The following MGAT4C variants were observed in gnomAD, a reference collection of about 807,000 sequenced individuals.
MGAT4C encodes MGAT4 family member C.
In MGAT4C, 19 loss-of-function variants were observed where a neutral mutation model predicts 40.1. The ratio of observed to expected loss-of-function variants is 0.47; its 90% CI spans 0.33 to 0.70. MGAT4C has a LOEUF of 0.70. Ranked by LOEUF, MGAT4C falls within the 30% of genes least tolerant of loss-of-function variation. The pLI, the probability that MGAT4C is intolerant of heterozygous loss-of-function variation, is 0.02. For synonymous variants in MGAT4C, 181 were observed against 187.1 expected, an observed-to-expected ratio of 0.97 and a Z score of 0.27; for missense variants, 491 against 563.2, an observed-to-expected ratio of 0.87 and a Z score of 1.30.
At chr12:86,660,124 A>G (rs556917807) in intron 2 of MGAT4C, among the ~76,000 whole-genome samples, 1 of 152,260 alleles carries the variant, frequency 6.6e-6, no homozygotes, top group African/African-American at 2.4e-5. Flanking sequence ...AAAAGCAGTA[A>G]GTTGATAACT....
Position 86,442,631 on chromosome 12 carries a change from G to A in MGAT4C, c.-228-7366C>T, listed in dbSNP as rs555211831. ...TTTCCCCATTTCTTGTTTTTCTCAG[G>A]TTTGTCAAAGATCAGATAGTTGTAG... is the stretch of plus-strand genomic sequence containing the variant. On this transcript the variant is annotated intron_variant, in intron 2 of 7. Transcript: ENST00000548651. Among the ~76,000 whole-genome samples, 138 of 151,950 alleles carry A rather than the reference G, an allele frequency of 9.1e-4. 3 individuals carry two copies. In the Middle Eastern group the frequency reaches 0.027, roughly 30 times the overall value.
chr12:86,575,175 A>T (rs10776985), intron 2 of MGAT4C, among the ~76,000 whole-genome samples: 127,052 of 151,620 alleles, frequency 0.84, 53,805 homozygotes, highest in East Asian at 0.96. Context: ...CTTCTTCAAA[A>T]TTATTTTTCT....
At chr12:86,238,123 C>G (rs1420488636) in intron 1 of MGAT4C, among the ~76,000 whole-genome samples, 1 of 151,116 alleles carries the variant, frequency 6.6e-6, no homozygotes, top group East Asian at 1.9e-4. Flanking sequence ...ATTAGGAAGT[C>G]AAAAAAAATG....
chr12:86,467,250 T>G (rs1027615658), intron 2 of MGAT4C, among the ~76,000 whole-genome samples: 2 of 152,126 alleles, frequency 1.3e-5, no homozygotes, highest in Admixed American at 1.3e-4. Context: ...AAATTATTAG[T>G]ATGTACATGT....
chr12:86,026,678 T>A (rs59007889), intron 2 of MGAT4C, among the ~76,000 whole-genome samples: 3,704 of 152,074 alleles, frequency 0.024, 157 homozygotes, highest in African/African-American at 0.084. Context: ...CTCCCCTTAG[T>A]CTTGTAATAT....
chr12:86,031,776 T>G (rs61931115), intron 2 of MGAT4C, among the ~76,000 whole-genome samples: 11,247 of 151,998 alleles, frequency 0.074, 553 homozygotes, highest in Middle Eastern at 0.24. Context: ...TGTTAACTTT[T>G]ATCTTAAGTT....
chr12:86,185,612 A>G (rs989884996), intron 1 of MGAT4C, among the ~76,000 whole-genome samples: 1 of 152,318 alleles, frequency 6.6e-6, no homozygotes, highest in Non-Finnish European at 1.5e-5. Flanking sequence ...GTCACTGATG[A>G]CCAAATATCA....
intron 4 of MGAT4C, among the ~76,000 whole-genome samples, chr12:86,303,219 T>C (rs1379490659): frequency 2.7e-5 from 4 of 150,624 alleles, no homozygotes; most frequent in Non-Finnish European, 5.9e-5. Context: ...CCTATTCTTT[T>C]AAGGTGAATT....
At chr12:86,410,491 C>G (rs532679444) in intron 3 of MGAT4C, among the ~76,000 whole-genome samples, 1 of 152,142 alleles carries the variant, frequency 6.6e-6, no homozygotes, top group Non-Finnish European at 1.5e-5. Flanking sequence ...TTCTGCCCGA[C>G]CACACAGGCG....
At chr12:86,238,315 T>C (rs1355878779) in intron 1 of MGAT4C, among the ~76,000 whole-genome samples, 1 of 152,048 alleles carries the variant, frequency 6.6e-6, no homozygotes, top group African/African-American at 2.4e-5. Context: ...AATAATTTAC[T>C]TGTCTTGCAT....
intron 1 of MGAT4C, among the ~76,000 whole-genome samples, chr12:86,758,084 C>T (rs1951336955): frequency 6.6e-6 from 1 of 152,136 alleles, no homozygotes; most frequent in Admixed American, 6.6e-5. Flanking sequence ...GGACACTTTA[C>T]ATTTTTCTGA....
intron 2 of MGAT4C, among the ~76,000 whole-genome samples, chr12:86,500,676 C>A (rs1317495605): frequency 6.6e-6 from 1 of 151,854 alleles, no homozygotes; most frequent in East Asian, 1.9e-4. Flanking sequence ...CCAATTTATG[C>A]AAACTCTTTG....
At chr12:86,019,941 C>A (rs1889508357) in intron 2 of MGAT4C, among the ~76,000 whole-genome samples, 1 of 152,012 alleles carries the variant, frequency 6.6e-6, no homozygotes, top group African/African-American at 2.4e-5. Flanking sequence ...GTATTTTATT[C>A]TCTTTGAAGC....
intron 1 of MGAT4C, among the ~76,000 whole-genome samples, chr12:86,735,925 A>G (rs1950978804): frequency 6.6e-6 from 1 of 151,840 alleles, no homozygotes; most frequent in Non-Finnish European, 1.5e-5. Context: ...CATACTTTAT[A>G]TGTTTTTACC....
At chr12:86,196,666 T>C (rs1949820845) in intron 1 of MGAT4C, among the ~76,000 whole-genome samples, 1 of 152,202 alleles carries the variant, frequency 6.6e-6, no homozygotes, top group Non-Finnish European at 1.5e-5. Flanking sequence ...TACATCCAAT[T>C]CTCTCTGTTT....
intron 3 of MGAT4C, among the ~76,000 whole-genome samples, chr12:86,355,751 AG>A (rs1955295246): frequency 6.6e-6 from 1 of 152,186 alleles, no homozygotes; most frequent in Non-Finnish European, 1.5e-5. Flanking sequence ...TTAAATAAAT[AG>A]TAAAAAAATT....
chr12:86,539,951 T>G (rs1370525004), intron 2 of MGAT4C, among the ~76,000 whole-genome samples: 14 of 152,192 alleles, frequency 9.2e-5, no homozygotes, highest in Non-Finnish European at 1.0e-4. Flanking sequence ...ATTGTAAAAA[T>G]TTTCTCCCAT....
intron 1 of MGAT4C, among the ~76,000 whole-genome samples, chr12:86,074,244 T>C (rs1869198786): frequency 1.3e-5 from 2 of 152,124 alleles, no homozygotes; most frequent in Non-Finnish European, 2.9e-5. Context: ...AAATCTCTTT[T>C]AGTTCTCAGT....
intron 1 of MGAT4C, among the ~76,000 whole-genome samples, chr12:86,103,696 T>C (rs1288952661): frequency 6.6e-6 from 1 of 152,234 alleles, no homozygotes; most frequent in East Asian, 1.9e-4. Flanking sequence ...GAACTCAAGC[T>C]GCCATCATCT....
Sources: allele counts gnomAD v4.1 joint callset (sites outside exome capture counted in the v4.1 genomes callset), GRCh38; gene constraint gnomAD v4.1.1; transcripts MANE v1.5; gene names NCBI Gene and HGNC (gene_info 2026-07-23, HGNC 2026-07-21).